Variants in DPP6 observed in about 807,000 individuals in gnomAD.
The protein encoded by DPP6 is dipeptidyl peptidase like 6.
Under a neutral mutation model 122.6 loss-of-function variants are expected in DPP6, and 69 were observed. The observed-to-expected ratio is 0.56, with a 90% CI of 0.46 to 0.69. The LOEUF (loss-of-function observed/expected upper bound fraction) is 0.69. DPP6 is among the 30% of genes least tolerant of loss of function. The pLI is 0.00. For missense variants in DPP6, 928 were observed against 1,116.9 expected (o/e 0.83, Z 2.41); for synonymous variants, 418 against 433.1 (o/e 0.97, Z 0.43).
At chr7:154,434,272 C>A (rs1376935612) in intron 1 of DPP6, among the ~76,000 whole-genome samples, 2 of 152,102 alleles carry the variant, frequency 1.3e-5, no homozygotes. Flanking sequence ...GGAAATGTAC[C>A]ATGCTGCTGT....
intron 1 of DPP6, among the ~76,000 whole-genome samples, chr7:154,171,641 A>G (rs527384007): frequency 3.3e-5 from 5 of 152,286 alleles, no homozygotes; most frequent in Non-Finnish European, 5.9e-5. Context: ...CTTAGAGGCC[A>G]GGATTCACAA....
intron 1 of DPP6, among the ~76,000 whole-genome samples, chr7:154,163,937 C>G (rs1183269598): frequency 2.0e-5 from 3 of 152,086 alleles, no homozygotes; most frequent in Non-Finnish European, 4.4e-5. Context: ...CAGCTCAGGC[C>G]CGCTCTCTAC....
chr7:154,018,196 C>T (rs1585183269), intron 1 of DPP6, among the ~76,000 whole-genome samples: 1 of 151,716 alleles, frequency 6.6e-6, no homozygotes, highest in South Asian at 2.1e-4. Context: ...ATACGCTGTC[C>T]CCTTAGAGGT....
the DPP6 span, among the ~76,000 whole-genome samples, chr7:153,851,184 T>G: frequency 6.6e-6 from 1 of 152,214 alleles, no homozygotes; most frequent in Admixed American, 6.5e-5. Context: ...CTTTCGCCAT[T>G]TGCCCTTTGA....
chr7:153,770,793 A>G, the DPP6 span, among the ~76,000 whole-genome samples: 1 of 152,232 alleles, frequency 6.6e-6, no homozygotes, highest in African/African-American at 2.4e-5. Context: ...ACAGGAATCA[A>G]TGGAAATGCT....
At chr7:154,061,904 T>C (rs1216025839) in intron 1 of DPP6, among the ~76,000 whole-genome samples, 73 of 122,396 alleles carry the variant, frequency 6.0e-4, no homozygotes, top group African/African-American at 2.1e-3. Flanking sequence ...CAATCCCTCT[T>C]CCCCCCCTGG....
chr7:154,375,045 G>A (rs1813010778), intron 1 of DPP6, among the ~76,000 whole-genome samples: 1 of 152,172 alleles, frequency 6.6e-6, no homozygotes, highest in African/African-American at 2.4e-5. Context: ...AGAGCACATG[G>A]GCTTGCAAAC....
chr7:153,849,264 A>G, the DPP6 span, among the ~76,000 whole-genome samples: 15 of 146,018 alleles, frequency 1.0e-4, no homozygotes, highest in Middle Eastern at 3.5e-3. Context: ...TACCAGAGAC[A>G]TATATGTTTT....
Position 154,562,871 on chromosome 7 carries a change from A to C in DPP6, c.553-3971A>C, listed in dbSNP as rs185005110. On this transcript the variant is annotated intron_variant, in intron 4 of 25. Transcript: ENST00000377770. ...CAATTATAGTACATCCTTGGGAATA[A>C]ATTTACAAAATATGGGCAAAATCTG... Among the ~76,000 whole-genome samples the C allele has an allele frequency of 5.0e-3, 765 of 152,304 alleles. 3 individuals are homozygous for C. Among genetic ancestry groups the C allele is most frequent in the Non-Finnish European group, 7.8e-3 (532 of 68,028 alleles).
intron 1 of DPP6, among the ~76,000 whole-genome samples, chr7:154,295,156 AT>A (rs1346281910): frequency 5.9e-5 from 9 of 152,332 alleles, no homozygotes; most frequent in Non-Finnish European, 1.2e-4. Flanking sequence ...AAACATGAGC[AT>A]TTTAAAACAT....
intron 1 of DPP6, among the ~76,000 whole-genome samples, chr7:153,981,296 T>G (rs1330439761): frequency 6.6e-6 from 1 of 152,348 alleles, no homozygotes; most frequent in East Asian, 1.9e-4. Context: ...TTTACCATTA[T>G]GTAATGCCCT....
intron 1 of DPP6, among the ~76,000 whole-genome samples, chr7:154,298,138 C>T (rs1318917301): frequency 1.3e-5 from 2 of 152,138 alleles, no homozygotes; most frequent in Non-Finnish European, 2.9e-5. Context: ...GATTCTGCCT[C>T]CAGACAGCCT....
At position 154,613,619 on chromosome 7, in the gene DPP6, C is replaced by CAAAAAAAAAAAAAA. The variant is rs749561005; in HGVS notation, c.628-24181_628-24168dup. On this transcript the variant is annotated intron_variant, in intron 5 of 25. Transcript: ENST00000377770. ...GGGCAACAAGAGCGAGACTCTGTCT[C>CAAAAAAAAAAAAAA]AAAAAAAAAAAAAAAAAAAAAAAAA... 7.7e-5 allele frequency among the ~76,000 whole-genome samples: 4 copies of CAAAAAAAAAAAAAA among 51,848 alleles called. 1 individual carries two copies. Among genetic ancestry groups the CAAAAAAAAAAAAAA allele is most frequent in the Admixed American group, 6.2e-4 (2 of 3,230 alleles). 34.0% of individuals were successfully genotyped at this position (51,848 alleles called of 152,430 possible). A position where few individuals can be genotyped will look rare whatever the true frequency, so the allele number is the denominator to read the frequency against.
chr7:154,720,266 AGGCAGGGCGCCAG>A (rs1841729730), intron 7 of DPP6, among the ~76,000 whole-genome samples: 1 of 152,176 alleles, frequency 6.6e-6, no homozygotes, highest in Admixed American at 6.5e-5. Flanking sequence ...CAGAGCTTCC[AGGCAGGGCGCCAG>A]GGCAGGGCAG....
At chr7:154,077,198 T>C in intron 1 of DPP6, among the ~76,000 whole-genome samples, 1 of 152,186 alleles carries the variant, frequency 6.6e-6, no homozygotes, top group Non-Finnish European at 1.5e-5. Context: ...GTTTGTGTAG[T>C]GATTGTAACT....
At chr7:154,461,797 T>G (rs1363689959) in intron 2 of DPP6, among the ~76,000 whole-genome samples, 1 of 152,228 alleles carries the variant, frequency 6.6e-6, no homozygotes, top group African/African-American at 2.4e-5. Context: ...TTTGCAAATA[T>G]TTACTCCATT....
In DPP6 at chr7:154,241,038, T is replaced by G. The variant is rs570043578; in HGVS notation, c.243+187975T>G. 6.6e-6 allele frequency among the ~76,000 whole-genome samples: 1 copy of G among 152,336 alleles called. No homozygotes were observed. Among genetic ancestry groups the G allele is most frequent in the African/African-American group, 2.4e-5 (1 of 41,580 alleles). ...TAGGCCAGCTCATTCTCAGTCATTA[T>G]GTGATTTGTTGGAATATTGTGAAGT... On this transcript the variant is annotated intron_variant, in intron 1 of 25. Coordinates refer to ENST00000377770, the MANE Select transcript of DPP6 (RefSeq NM_130797.4). This position sits in a 1 kb window ranked among gnomAD's most constrained non-coding sequence, Gnocchi z 9.0.
At chr7:153,805,357 A>G in the DPP6 span, among the ~76,000 whole-genome samples, 2 of 152,334 alleles carry the variant, frequency 1.3e-5, no homozygotes, top group Admixed American at 1.3e-4. Context: ...AGGAAATAAT[A>G]GCAGTTGTTG....
chr7:154,365,370 A>G lies in DPP6; in HGVS notation c.244-80844A>G, dbSNP rs540339662. On this transcript the variant is annotated intron_variant, in intron 1 of 25. Transcript: ENST00000377770. ...ATTTAGTAGAGACCATAAAATCCAC[A>G]GGACAAGGTGCGATCTCCACTTGCC... is the stretch of plus-strand genomic sequence containing the variant. Among the ~76,000 whole-genome samples, 6 of 152,340 alleles carry G rather than the reference A, an allele frequency of 3.9e-5. No homozygotes were observed. The South Asian group carries it at 8.3e-4, about 21-fold the overall frequency.
Sources: allele counts gnomAD v4.1 joint callset (sites outside exome capture counted in the v4.1 genomes callset), GRCh38; gene constraint gnomAD v4.1.1; non-coding constraint Gnocchi (gnomAD v3.1); transcripts MANE v1.5; gene names NCBI Gene and HGNC (gene_info 2026-07-23, HGNC 2026-07-21).